Variants in GMNC observed in about 807,000 individuals in gnomAD.
The protein encoded by GMNC is geminin coiled-coil domain-containing protein 1.
In GMNC, 16 loss-of-function variants were observed where a neutral mutation model predicts 33.6. That is an observed-to-expected ratio of 0.48 (90% CI 0.32 to 0.72). The LOEUF (loss-of-function observed/expected upper bound fraction) is 0.72, where lower values mean the gene tolerates loss of function less well. Ranked by LOEUF, GMNC falls within the 30% of genes least tolerant of loss-of-function variation. GMNC has a pLI of 0.03. For missense variants in GMNC, 393 were observed against 388.9 expected, an observed-to-expected ratio of 1.01 and a Z score of -0.09; for synonymous variants, 156 against 147.3, an observed-to-expected ratio of 1.06 and a Z score of -0.43.
rs1215202722 is a variant in GMNC, at chr3:190,855,442, C to T, written c.858G>A (p.Val286=). The change falls in exon 5 of 5, where the codon GTG becomes GTA. Residue 286 remains valine, a synonymous_variant. Transcript: ENST00000442080. ...LKTLPYYTAH[V]SPNKTEMAFS... ...ATGCCATCTCTGTCTTGTTGGGTGA[C>T]ACATGAGCAGTATAGTAAGGAAGAG... 11 of 1,551,920 alleles carry T rather than the reference C, an allele frequency of 7.1e-6. No homozygotes were observed. The East Asian group carries it at 1.7e-4, about 24-fold the overall frequency.
chr3:190,857,648 T>C (rs1470499947), intron 4 of GMNC, 135 bp downstream of exon 4: 2 of 556,834 alleles, frequency 3.6e-6, no homozygotes, highest in Non-Finnish European at 6.5e-6. Flanking sequence ...AGAGCCGTTA[T>C]TTCCTTAAGA....
chr3:190,858,462 T>C (rs964972862), intron 3 of GMNC, among the ~76,000 whole-genome samples: 3 of 152,226 alleles, frequency 2.0e-5, no homozygotes, highest in African/African-American at 7.2e-5. Context: ...TCTGTCTGTA[T>C]GTCCACTAGA....
Position 190,857,851 on chromosome 3 carries a change from C to T in GMNC, c.316G>A (p.Glu106Lys), listed in dbSNP as rs1737780936. 2.6e-6 allele frequency: 4 copies of T among 1,551,278 alleles called. No individual in the cohort carries two copies. The highest frequency in any genetic ancestry group is 1.2e-5 in the South Asian group (1 of 84,052). The change falls in exon 4 of 5, where the codon GAA (glutamate) becomes AAA (lysine). Residue 106 changes from glutamate (E) to lysine (K), a missense_variant. Glu to Lys is a moderately conservative substitution (Grantham distance 56, BLOSUM62 1). Coordinates refer to ENST00000442080, the MANE Select transcript of GMNC (RefSeq NM_001146686.3). ...QKEEELARLH[E>K]ENNHLRQYLN... The stretch of plus-strand genomic sequence containing the variant: ...TATTGTCTGAGGTGATTATTCTCTT[C>T]GTGTAACCTGGCGAGTTCTTCTTCC...
rs1173751979 is a variant in GMNC at position 190,857,864 on chromosome 3, G to A, written c.303C>T (p.Leu101=). 4 of 1,550,504 alleles carry A rather than the reference G, an allele frequency of 2.6e-6. No individual in the cohort carries two copies. The highest frequency in any genetic ancestry group is 1.4e-5 in the African/African-American group (1 of 72,996). ...GATTATTCTCTTCGTGTAACCTGGC[G>A]AGTTCTTCTTCCTTCTGCACCAGGG... ...QDTLVQKEEE[L]ARLHEENNHL... is the part of the protein sequence containing the mutation. Residue 101 remains leucine (L), a synonymous_variant, in exon 4 of 5, where the codon CTC becomes CTT. Transcript: ENST00000442080.
chr3:190,844,252 T>C, the GMNC span, among the ~76,000 whole-genome samples: 47 of 152,146 alleles, frequency 3.1e-4, no homozygotes, highest in African/African-American at 1.1e-3. Context: ...GTTTTGATTT[T>C]GATATTAGCA....
At chr3:190,856,041 A>G in intron 4 of GMNC, 126 bp from the exon 5 acceptor site, 2 of 700,478 alleles carry the variant, frequency 2.9e-6, no homozygotes, top group Non-Finnish European at 4.6e-6. Context: ...TTGTTTGTAA[A>G]GTAAAATCTG....
intron 2 of GMNC, 99 bp downstream of exon 2, chr3:190,860,585 A>C (rs772096743): frequency 1.1e-4 from 112 of 1,019,936 alleles, no homozygotes; most frequent in Non-Finnish European, 1.5e-4. Context: ...AATTTTCCAT[A>C]TCGTCCCTTA....
chr3:190,861,222 A>G lies in GMNC; in HGVS notation c.4-364T>C, dbSNP rs1265760554. ...GAATTCTACTTAATGATTCAAAACC[A>G]TAAGAACTATTTGGTTCTTTCTGCA... On this transcript the variant is annotated intron_variant, in intron 1 of 4. Coordinates refer to ENST00000442080, the MANE Select transcript of GMNC (RefSeq NM_001146686.3). This position sits in a 1 kb window ranked among gnomAD's most constrained non-coding sequence, Gnocchi z 5.1. 6.6e-6 allele frequency among the ~76,000 whole-genome samples: 1 copy of G among 152,234 alleles called. No individual in the cohort carries two copies. The highest frequency in any genetic ancestry group is 1.5e-5 in the Non-Finnish European group (1 of 68,048).
chr3:190,861,215 C>G lies in GMNC; in HGVS notation c.4-357G>C, dbSNP rs1470214576. ...ATAAAGGGAATTCTACTTAATGATT[C>G]AAAACCATAAGAACTATTTGGTTCT... On this transcript the variant is annotated intron_variant, in intron 1 of 4. Coordinates refer to ENST00000442080, the MANE Select transcript of GMNC (RefSeq NM_001146686.3). The surrounding 1 kb of genome is among the most constrained non-coding windows in gnomAD (Gnocchi z 5.1). Among the ~76,000 whole-genome samples the G allele has an allele frequency of 6.6e-6, 1 of 152,122 alleles. No individual in the cohort carries two copies. Among genetic ancestry groups the G allele is most frequent in the Non-Finnish European group, 1.5e-5 (1 of 68,024 alleles).
rs1233525020 is a variant in GMNC, at chr3:190,856,031, T to G, written c.385-116A>C. The G allele has an allele frequency of 1.7e-5, 13 of 754,802 alleles. No individual in the cohort carries two copies. In the East Asian group the frequency reaches 3.5e-4, roughly 21 times the overall value. The allele number at this position is 754,802 out of a possible 1,614,324, so 46.8% of individuals were successfully genotyped here. On this transcript the variant is annotated intron_variant, in intron 4 of 4. Transcript: ENST00000442080. ...CACAAGTAAGATGGATTGGATTAGC[T>G]TGTTTGTAAAGTAAAATCTGTGATG... is the stretch of plus-strand genomic sequence containing the variant.
chr3:190,856,184 A>G (rs907739963), intron 4 of GMNC, among the ~76,000 whole-genome samples: 3 of 149,408 alleles, frequency 2.0e-5, no homozygotes, highest in Non-Finnish European at 4.4e-5. Flanking sequence ...TAATAGCACT[A>G]TCATTTATTA....
At position 190,855,397 on chromosome 3, in the gene GMNC, A is replaced by T. The variant is rs971543181; in HGVS notation, c.903T>A (p.Pro301=). The change falls in exon 5 of 5, where the codon CCT becomes CCA. Residue 301 remains proline, a synonymous_variant. Transcript: ENST00000442080. ...AGGAATGAGTTTTCACATTACAATG[A>T]GGGCTCAGGGATGTGGAAAATGCCA... ...TEMAFSTSLS[P]HCNVKTHSFH... The T allele has an allele frequency of 2.6e-6, 4 of 1,551,840 alleles. No homozygotes were observed. In the African/African-American group the frequency reaches 5.5e-5, roughly 21 times the overall value.
In GMNC at chr3:190,862,170, A is replaced by G. The variant is rs1737884672; in HGVS notation, c.3+443T>C. ...CCTGAGGTTTTTTATTTTTTATTTT[A>G]TTTTTTGGAATCAGAGCTAAGCTAT... On this transcript the variant is annotated intron_variant, in intron 1 of 4. Coordinates refer to ENST00000442080, the MANE Select transcript of GMNC (RefSeq NM_001146686.3). This position sits in a 1 kb window ranked among gnomAD's most constrained non-coding sequence, Gnocchi z 4.5. 6.6e-6 allele frequency among the ~76,000 whole-genome samples: 1 copy of G among 152,004 alleles called. No homozygotes were observed. The highest frequency in any genetic ancestry group is 6.6e-5 in the Admixed American group (1 of 15,246).
Position 190,853,872 on chromosome 3 carries a change from A to T in GMNC, c.*1423T>A, listed in dbSNP as rs1313211568. 5 of 152,188 alleles carry T rather than the reference A, an allele frequency of 3.3e-5. No individual in the cohort carries two copies. Among genetic ancestry groups the T allele is most frequent in the Admixed American group, 6.5e-5 (1 of 15,274 alleles). 9.4% of individuals were successfully genotyped at this position (152,188 alleles called of 1,614,324 possible). On this transcript the variant is annotated 3_prime_UTR_variant, in exon 5 of 5. Transcript: ENST00000442080. ...TAGAAATATGAAGTCCTTGATAGCAATATTTATATGCAATCTATCCGCACT... is the reference window on the plus strand; with the variant it reads ...TAGAAATATGAAGTCCTTGATAGCATTATTTATATGCAATCTATCCGCACT...
At chr3:190,843,726 T>C in the GMNC span, among the ~76,000 whole-genome samples, 1 of 152,200 alleles carries the variant, frequency 6.6e-6, no homozygotes, top group Non-Finnish European at 1.5e-5. Context: ...TTGTGTATTA[T>C]AGACACTGAC....
rs371567527 is a variant in GMNC at position 190,862,362 on chromosome 3, AAGAG to A, written c.3+247_3+250del. 2.6e-3 allele frequency among the ~76,000 whole-genome samples: 380 copies of A among 147,664 alleles called. 4 individuals are homozygous for A. Among genetic ancestry groups the A allele is most frequent in the African/African-American group, 9.0e-3 (363 of 40,376 alleles). ...AAGTAAGGAAAGTAGTAATAACAGA[AAGAG>A]AGAGAGAGGGCGAGAGAGAGAAAGG... On this transcript the variant is annotated intron_variant, in intron 1 of 4. Transcript: ENST00000442080. This position sits in a 1 kb window ranked among gnomAD's most constrained non-coding sequence, Gnocchi z 4.5.
rs1174146492 is a variant in GMNC at position 190,853,786 on chromosome 3, G to T, written c.*1509C>A. ...GCAAATTATTCTGGGAATGATAGGG[G>T]TCTTGAGAGATGGGAAAGAAGAAAA... is the stretch of plus-strand genomic sequence containing the variant. On this transcript the variant is annotated 3_prime_UTR_variant, in exon 5 of 5. Coordinates refer to ENST00000442080, the MANE Select transcript of GMNC (RefSeq NM_001146686.3). The T allele has an allele frequency of 6.6e-6, 1 of 152,108 alleles. No homozygotes were observed. Among genetic ancestry groups the T allele is most frequent in the African/African-American group, 2.4e-5 (1 of 41,436 alleles). 9.4% of individuals were successfully genotyped at this position (152,108 alleles called of 1,614,324 possible).
At position 190,862,692 on chromosome 3, in the gene GMNC, A is replaced by G; in HGVS notation, c.-77T>C. 6.5e-7 allele frequency: 1 copy of G among 1,546,600 alleles called. No homozygotes were observed. The highest frequency in any genetic ancestry group is 8.8e-7 in the Non-Finnish European group (1 of 1,142,328). On this transcript the variant is annotated 5_prime_UTR_variant, in exon 1 of 5. Coordinates refer to ENST00000442080, the MANE Select transcript of GMNC (RefSeq NM_001146686.3). The surrounding 1 kb of genome is among the most constrained non-coding windows in gnomAD (Gnocchi z 4.5). ...AAAACCAGTGGGAGCTTTAAATGAG[A>G]CTGAGGGGAGGAGCTAGGAGAGGCG...
chr3:190,855,315 A>G lies in GMNC; in HGVS notation c.985T>C (p.Trp329Arg). The change falls in exon 5 of 5, where the codon TGG (tryptophan) becomes CGG (arginine). Residue 329 changes from tryptophan (W) to arginine (R), a missense_variant. By Grantham distance (101) the Trp-to-Arg change is moderately radical. Coordinates refer to ENST00000442080, the MANE Select transcript of GMNC (RefSeq NM_001146686.3). Reference protein sequence around the residue: ...RDEEGGWKFTWVPKQS With the variant: ...RDEEGGWKFTRVPKQS ...GGTCACTAAGACTGCTTAGGGACCCAGGTAAACTTCCAGCCTCCCTCCTCA... is the reference window on the plus strand; with the variant it reads ...GGTCACTAAGACTGCTTAGGGACCCGGGTAAACTTCCAGCCTCCCTCCTCA... 6.4e-7 allele frequency: 1 copy of G among 1,551,522 alleles called. No individual in the cohort carries two copies.
Sources: gnomAD v4.1 joint callset for allele counts (sites outside exome capture counted in the v4.1 genomes callset) on GRCh38, gnomAD v4.1.1 for gene constraint, Gnocchi (gnomAD v3.1) non-coding constraint, MANE v1.5 for transcripts, NCBI Gene and HGNC (gene_info 2026-07-23, HGNC 2026-07-21) for gene names.